Variants in CEP55 observed in about 807,000 individuals in gnomAD.
CEP55 encodes the protein centrosomal protein of 55 kDa.
A neutral mutation model predicts 63.2 loss-of-function variants in CEP55; 57 were observed. That is an observed-to-expected ratio of 0.90 (90% CI 0.73 to 1.13). The LOEUF is 1.13. Among genes scored for constraint, CEP55 ranks in the 50% most tolerant of loss-of-function variants. The pLI, the probability that CEP55 is intolerant of heterozygous loss-of-function variation, is 0.00. For synonymous variants in CEP55, 178 were observed against 191.6 expected (o/e 0.93, Z 0.59); for missense variants, 456 against 518.9 (o/e 0.88, Z 1.18).
chr10:93,506,953 A>ATGT, intron 3 of CEP55, 35 bp from the exon 4 acceptor site: 1 of 1,319,804 alleles, frequency 7.6e-7, no homozygotes, highest in South Asian at 1.2e-5. Context: ...CTATTGTGGA[A>ATGT]TGTCTGATGT....
intron 2 of CEP55, among the ~76,000 whole-genome samples, chr10:93,500,869 C>T (rs541121858): frequency 1.3e-5 from 2 of 152,098 alleles, no homozygotes; most frequent in South Asian, 4.2e-4. Context: ...AGGCAATCCT[C>T]CTGCCTGGGC....
intron 8 of CEP55, among the ~76,000 whole-genome samples, chr10:93,523,242 A>G (rs1291037742): frequency 6.6e-6 from 1 of 152,214 alleles, no homozygotes; most frequent in Non-Finnish European, 1.5e-5. Context: ...GGATTGAGGA[A>G]GATCTACCAA....
intron 4 of CEP55, among the ~76,000 whole-genome samples, chr10:93,514,347 G>A (rs551959424): frequency 2.6e-5 from 4 of 152,252 alleles, no homozygotes; most frequent in East Asian, 3.9e-4. Context: ...GGTGAGTGAC[G>A]GCAGCTTGGA....
At chr10:93,517,435 C>T (rs746636609) in intron 6 of CEP55, among the ~76,000 whole-genome samples, 187 bp downstream of exon 6, 3 of 152,128 alleles carry the variant, frequency 2.0e-5, no homozygotes, top group Non-Finnish European at 4.4e-5. Context: ...AACAGGGTGA[C>T]ATGACAAAGG....
rs938520836 is a variant in CEP55, at chr10:93,517,027, C to A, written c.772C>A (p.Leu258Met). The A allele has an allele frequency of 8.7e-6, 14 of 1,613,210 alleles. No individual in the cohort carries two copies. Among genetic ancestry groups the A allele is most frequent in the Non-Finnish European group, 1.2e-5 (14 of 1,179,310 alleles). ...GGTTGAACGACAAACCATAACTCAG[C>A]TGAGTTTTGAACTGAGTGAATTTCG... is the stretch of plus-strand genomic sequence containing the variant. ...LEVERQTITQLSFELSEFRRK... is the reference protein window; with the variant it reads ...LEVERQTITQMSFELSEFRRK... The change falls in exon 6 of 9, where the codon CTG becomes ATG. Residue 258 changes from leucine to methionine, a missense_variant. Transcript: ENST00000371485.
chr10:93,521,151 G>A (rs536645710), intron 8 of CEP55, among the ~76,000 whole-genome samples: 3 of 152,164 alleles, frequency 2.0e-5, no homozygotes, highest in East Asian at 3.9e-4. Context: ...GTGAGGCATC[G>A]CCTCACCCAG....
At chr10:93,499,491 T>G (rs1470206474) in intron 1 of CEP55, among the ~76,000 whole-genome samples, 2 of 151,014 alleles carry the variant, frequency 1.3e-5, no homozygotes, top group Non-Finnish European at 1.5e-5. Flanking sequence ...TATAGAACAC[T>G]ACACAAAACA....
intron 5 of CEP55, among the ~76,000 whole-genome samples, chr10:93,516,514 C>G (rs7908702): frequency 0.012 from 1,877 of 152,210 alleles, 42 homozygotes; most frequent in African/African-American, 0.043. Context: ...AATATAAGCA[C>G]TTGTTAGAAT....
At chr10:93,511,175 G>A (rs961216820) in intron 4 of CEP55, among the ~76,000 whole-genome samples, 15 of 152,056 alleles carry the variant, frequency 9.9e-5, no homozygotes, top group African/African-American at 2.9e-4. Context: ...TCCTGACCTC[G>A]TGATCTGCCT....
At chr10:93,513,611 A>G (rs1347168554) in intron 4 of CEP55, among the ~76,000 whole-genome samples, 1 of 152,216 alleles carries the variant, frequency 6.6e-6, no homozygotes, top group East Asian at 1.9e-4. Context: ...AATTTTATCT[A>G]TGCATAATAG....
Position 93,516,950 on chromosome 10 carries a change from A to C in CEP55, c.695A>C (p.Glu232Ala). 6.3e-7 allele frequency: 1 copy of C among 1,580,824 alleles called. No individual in the cohort carries two copies. The highest frequency in any genetic ancestry group is 1.2e-5 in the South Asian group (1 of 86,302). The change falls in exon 6 of 9, where the codon GAG becomes GCG. Residue 232 changes from glutamate (E) to alanine (A), a missense_variant. Coordinates refer to ENST00000371485, the MANE Select transcript of CEP55 (RefSeq NM_018131.5). ...TTTGTCATAGGTTATCTTCAAGAAG[A>C]GAAGCAGAAATGTTACAACGATCTC... ...KPESEGYLQE[E>A]KQKCYNDLLA...
intron 8 of CEP55, among the ~76,000 whole-genome samples, chr10:93,525,919 C>T (rs1025386890): frequency 6.6e-6 from 1 of 152,054 alleles, no homozygotes; most frequent in African/African-American, 2.4e-5. Context: ...TTCCTTACAC[C>T]TTATACAAAA....
intron 3 of CEP55, among the ~76,000 whole-genome samples, chr10:93,505,661 T>A (rs2134462650): frequency 2.0e-5 from 3 of 152,312 alleles, no homozygotes; most frequent in Admixed American, 2.0e-4. Context: ...TTTTTTGAGC[T>A]TCTTTGCCAG....
Position 93,511,590 on chromosome 10 carries a change from C to CT in CEP55, c.529-3806dup, listed in dbSNP as rs201307985. Among the ~76,000 whole-genome samples, 712 of 150,984 alleles carry CT rather than the reference C, an allele frequency of 4.7e-3. 3 individuals are homozygous for CT. Among genetic ancestry groups the CT allele is most frequent in the African/African-American group, 0.017 (685 of 41,146 alleles). On this transcript the variant is annotated intron_variant, in intron 4 of 8. Coordinates refer to ENST00000371485, the MANE Select transcript of CEP55 (RefSeq NM_018131.5). ...CTCATACTTAAGTGATGTATGGTTC[C>CT]TTTTTTTTTAATTAATTAATTTATT...
At chr10:93,522,541 A>C (rs1434744511) in intron 8 of CEP55, among the ~76,000 whole-genome samples, 1 of 152,236 alleles carries the variant, frequency 6.6e-6, no homozygotes, top group Non-Finnish European at 1.5e-5. Flanking sequence ...GAACTTCCCC[A>C]GTCTAGCAAG....
chr10:93,521,140 G>A (rs968926313), intron 8 of CEP55, among the ~76,000 whole-genome samples: 1 of 152,070 alleles, frequency 6.6e-6, no homozygotes, highest in African/African-American at 2.4e-5. Flanking sequence ...ACCGAAGCAG[G>A]GTGAGGCATC....
intron 2 of CEP55, 40 bp downstream of exon 2, chr10:93,500,274 A>G: frequency 6.7e-7 from 1 of 1,495,592 alleles, no homozygotes; most frequent in East Asian, 2.3e-5. Context: ...AAGCTCTCCA[A>G]GAAAGCGATG....
rs1490663874 is a variant in CEP55, at chr10:93,508,553, T to C, written c.528+1497T>C. Among the ~76,000 whole-genome samples the C allele has an allele frequency of 3.3e-5, 5 of 152,250 alleles. No homozygotes were observed. The East Asian group carries it at 9.6e-4, about 29-fold the overall frequency. On this transcript the variant is annotated intron_variant, in intron 4 of 8. Transcript: ENST00000371485. ...AAGTTTGTTATTCTATGTATATCCATACCTATGCATTAGATGCACATATTT... is the reference window on the plus strand; with the variant it reads ...AAGTTTGTTATTCTATGTATATCCACACCTATGCATTAGATGCACATATTT...
At chr10:93,519,062 A>C (rs2057831591) in intron 7 of CEP55, 114 bp downstream of exon 7, 4 of 730,458 alleles carry the variant, frequency 5.5e-6, no homozygotes, top group Non-Finnish European at 9.4e-6. Context: ...AGTGTCTTTA[A>C]AAGACTTCAA....
Sources: allele counts gnomAD v4.1 joint callset (sites outside exome capture counted in the v4.1 genomes callset), GRCh38; gene constraint gnomAD v4.1.1; transcripts MANE v1.5; gene names NCBI Gene and HGNC (gene_info 2026-07-23, HGNC 2026-07-21).